PAX7: variants seen among roughly 807,000 people sequenced by gnomAD.
The protein encoded by PAX7 is paired box 7.
Under a neutral mutation model 50.7 loss-of-function variants are expected in PAX7, and 18 were observed. The observed-to-expected ratio is 0.36, with a 90% CI of 0.25 to 0.53. The LOEUF (loss-of-function observed/expected upper bound fraction) is 0.53, where lower values mean the gene tolerates loss of function less well. Ranked by LOEUF, PAX7 falls within the 20% of genes least tolerant of loss-of-function variation. The pLI, the probability that PAX7 is intolerant of heterozygous loss-of-function variation, is 0.93. For missense variants in PAX7, 644 were observed against 702.9 expected (o/e 0.92, Z 0.95); for synonymous variants, 310 against 290.4 (o/e 1.07, Z -0.69).
Position 18,630,855 on chromosome 1 carries a change from G to C in PAX7, c.-749G>C, listed in dbSNP as rs11581142. Among the ~76,000 whole-genome samples the C allele has an allele frequency of 0.066, 9,994 of 151,712 alleles. 1,062 individuals are homozygous for C. The highest frequency in any genetic ancestry group is 0.22 in the African/African-American group (9,166 of 41,272). On this transcript the variant is annotated 5_prime_UTR_variant, in exon 1 of 9. Transcript: ENST00000420770. ...TCCTCGTACTTCGGTGAACACTTTTGCACAACTTACCCAGCTGATCACTCG... is the reference window on the plus strand; with the variant it reads ...TCCTCGTACTTCGGTGAACACTTTTCCACAACTTACCCAGCTGATCACTCG...
chr1:18,741,409 T>C (rs961731841), intron 8 of PAX7, among the ~76,000 whole-genome samples: 9 of 151,128 alleles, frequency 6.0e-5, no homozygotes, highest in Admixed American at 1.3e-4. Flanking sequence ...AAGATTGCAC[T>C]GTTGCACTAC....
intron 7 of PAX7, among the ~76,000 whole-genome samples, chr1:18,719,191 C>T (rs2089464606): frequency 6.6e-6 from 1 of 152,228 alleles, no homozygotes. Context: ...TGATTTGCAG[C>T]ACGTGGGGTC....
chr1:18,633,308 T>C (rs183832268), intron 1 of PAX7, among the ~76,000 whole-genome samples: 1,598 of 152,274 alleles, frequency 0.01, 18 homozygotes, highest in Non-Finnish European at 0.012. Context: ...AGTCCCCAAA[T>C]TGGGGGGATC....
rs746219782 is a variant in PAX7 at position 18,634,291 on chromosome 1, T to C, written c.86-12T>C. 6.2e-7 allele frequency: 1 copy of C among 1,608,356 alleles called. No homozygotes were observed. ...CACCTCTCTCCTTCTGCATCTCCCC[T>C]CCCTTCTCCAGTGTCCACCCCGCTT... On this transcript the variant is annotated splice_polypyrimidine_tract_variant and intron_variant, in intron 1 of 8. Transcript: ENST00000420770. This position sits in a 1 kb window ranked among gnomAD's most constrained non-coding sequence, Gnocchi z 4.0.
At chr1:18,716,511 G>GTT (rs1288441743) in intron 7 of PAX7, among the ~76,000 whole-genome samples, 10 of 48,466 alleles carry the variant, frequency 2.1e-4, no homozygotes, top group East Asian at 1.3e-3. Context: ...TTTGTTTTTT[G>GTT]TTTTTTTCAC....
intron 8 of PAX7, among the ~76,000 whole-genome samples, chr1:18,738,142 C>CTGTGTG (rs374135110): frequency 6.7e-6 from 1 of 149,812 alleles, no homozygotes; most frequent in Non-Finnish European, 1.5e-5. Flanking sequence ...GTGTGTATAA[C>CTGTGTG]TGTGTGTGTG....
In PAX7 at chr1:18,636,179, C is replaced by A; in HGVS notation, c.452-58C>A. 6.3e-7 allele frequency: 1 copy of A among 1,581,124 alleles called. No homozygotes were observed. Among genetic ancestry groups the A allele is most frequent in the Non-Finnish European group, 8.6e-7 (1 of 1,160,176 alleles). ...GACTTTCTCCCAGGGGCCCAGGCCA[C>A]CGCTCGCTCCTCTGCTCCAACAACT... On this transcript the variant is annotated intron_variant, in intron 3 of 8. Transcript: ENST00000420770. This position sits in a 1 kb window ranked among gnomAD's most constrained non-coding sequence, Gnocchi z 5.1.
intron 4 of PAX7, among the ~76,000 whole-genome samples, chr1:18,643,148 G>C (rs923675904): frequency 6.6e-6 from 1 of 152,216 alleles, no homozygotes; most frequent in Non-Finnish European, 1.5e-5. Context: ...ATTCTAGGGC[G>C]CCTTGGGCAC....
Position 18,635,066 on chromosome 1 carries a change from C to T in PAX7, c.322-45C>T, listed in dbSNP as rs754647717. The T allele has an allele frequency of 5.0e-6, 8 of 1,605,814 alleles. No homozygotes were observed. In the African/African-American group the frequency reaches 9.4e-5, roughly 19 times the overall value. ...TGATATTAAAAGTATTTTCCTCCCC[C>T]CATCCCATCTTTCCACTCCTACTCT... On this transcript the variant is annotated intron_variant, in intron 2 of 8. Coordinates refer to ENST00000420770, the MANE Select transcript of PAX7 (RefSeq NM_001135254.2).
intron 4 of PAX7, among the ~76,000 whole-genome samples, chr1:18,690,670 C>T (rs767716600): frequency 3.3e-5 from 5 of 152,192 alleles, no homozygotes; most frequent in African/African-American, 1.2e-4. Context: ...CAGGCCCAGG[C>T]CCAGGAAGCA....
intron 4 of PAX7, among the ~76,000 whole-genome samples, chr1:18,654,679 C>T (rs746814885): frequency 6.6e-6 from 1 of 152,218 alleles, no homozygotes; most frequent in Non-Finnish European, 1.5e-5. Flanking sequence ...ACAGAGCATG[C>T]TCACGTCCAG....
rs1931488982 is a variant in PAX7 at position 18,747,444 on chromosome 1, T to C, written c.*2515T>C. On this transcript the variant is annotated 3_prime_UTR_variant, in exon 9 of 9. Transcript: ENST00000420770. The stretch of plus-strand genomic sequence containing the variant: ...AAAGAGGCCCTTGACCCTGATAGGT[T>C]CTCTCTAAAACCCGTATATTAACGC... 4.5e-6 allele frequency: 1 copy of C among 224,178 alleles called. No individual in the cohort carries two copies. The highest frequency in any genetic ancestry group is 5.7e-5 in the Admixed American group (1 of 17,466). The allele number at this position is 224,178 out of a possible 1,614,324, so 13.9% of individuals were successfully genotyped here.
At chr1:18,672,030 C>T (rs1285938503) in intron 4 of PAX7, among the ~76,000 whole-genome samples, 1 of 151,982 alleles carries the variant, frequency 6.6e-6, no homozygotes, top group Non-Finnish European at 1.5e-5. Flanking sequence ...AATAAAGTTC[C>T]TGTTGGTGTA....
intron 7 of PAX7, among the ~76,000 whole-genome samples, chr1:18,706,061 C>A (rs1272615054): frequency 6.6e-6 from 1 of 152,112 alleles, no homozygotes; most frequent in Non-Finnish European, 1.5e-5. Context: ...ACGGGTGCAG[C>A]GAGCAGGGCG....
At chr1:18,736,286 G>A in intron 8 of PAX7, 1 of 389,776 alleles carries the variant, frequency 2.6e-6, no homozygotes, top group Non-Finnish European at 4.6e-6. Flanking sequence ...TCAACATGGT[G>A]AAACTCTGTC....
In PAX7 at chr1:18,745,824, G is replaced by A. The variant is rs1333859809; in HGVS notation, c.*895G>A. On this transcript the variant is annotated 3_prime_UTR_variant, in exon 9 of 9. Coordinates refer to ENST00000420770, the MANE Select transcript of PAX7 (RefSeq NM_001135254.2). ...TAGCTGAATCAGATGAGATGGGGAG[G>A]GGATAAAGTCTTGAGGATACATGAG... The A allele has an allele frequency of 4.3e-6, 1 of 232,364 alleles. No homozygotes were observed. The highest frequency in any genetic ancestry group is 2.2e-5 in the African/African-American group (1 of 45,284). 14.4% of individuals were successfully genotyped at this position (232,364 alleles called of 1,614,324 possible).
Position 18,632,836 on chromosome 1 carries a change from G to A in PAX7, c.85+1148G>A, listed in dbSNP as rs916174985. Among the ~76,000 whole-genome samples the A allele has an allele frequency of 2.0e-5, 3 of 152,310 alleles. No individual in the cohort carries two copies. Among genetic ancestry groups the A allele is most frequent in the South Asian group, 2.1e-4 (1 of 4,824 alleles). ...GCGGCTCCGTGATCAAGTGCGCGCC[G>A]GCAGCCACGCAGGCGGGAGAGCGCG... is the stretch of plus-strand genomic sequence containing the variant. On this transcript the variant is annotated intron_variant, in intron 1 of 8. Transcript: ENST00000420770. This position sits in a 1 kb window ranked among gnomAD's most constrained non-coding sequence, Gnocchi z 6.3.
intron 4 of PAX7, among the ~76,000 whole-genome samples, chr1:18,647,210 C>A (rs1570118063): frequency 6.6e-6 from 1 of 152,044 alleles, no homozygotes; most frequent in Admixed American, 6.5e-5. Context: ...GGGAGGGGGG[C>A]AAAGGACCTG....
At chr1:18,731,438 C>A (rs2089645709) in intron 7 of PAX7, among the ~76,000 whole-genome samples, 1 of 152,162 alleles carries the variant, frequency 6.6e-6, no homozygotes, top group African/African-American at 2.4e-5. Flanking sequence ...CCCAGCTCTG[C>A]CACTTACCGG....
Sources: gnomAD v4.1 joint callset for allele counts (sites outside exome capture counted in the v4.1 genomes callset) on GRCh38, gnomAD v4.1.1 for gene constraint, Gnocchi (gnomAD v3.1) non-coding constraint, MANE v1.5 for transcripts, NCBI Gene and HGNC (gene_info 2026-07-23, HGNC 2026-07-21) for gene names.